The following NAALADL2 variants were observed in gnomAD, a reference collection of about 807,000 sequenced individuals.
NAALADL2 encodes the protein N-acetylated alpha-linked acidic dipeptidase like 2, also known as inactive N-acetylated-alpha-linked acidic dipeptidase-like protein 2.
A neutral mutation model predicts 87.2 loss-of-function variants in NAALADL2; 76 were observed. The observed-to-expected ratio is 0.87, with a 90% CI of 0.72 to 1.05. The LOEUF is 1.05. Ranked by LOEUF, NAALADL2 falls within the 50% of genes least tolerant of loss-of-function variation. The pLI is 0.00. For synonymous variants in NAALADL2, 354 were observed against 331.0 expected, an observed-to-expected ratio of 1.07 and a Z score of -0.75; for missense variants, 1,089 against 945.8, an observed-to-expected ratio of 1.15 and a Z score of -1.99.
intron 13 of NAALADL2, among the ~76,000 whole-genome samples, chr3:175,770,661 A>G (rs1057467702): frequency 6.6e-6 from 1 of 152,112 alleles, no homozygotes; most frequent in African/African-American, 2.4e-5. Context: ...AGTGCCTCCA[A>G]TTTTTTTATT....
rs1386706853 is a variant in NAALADL2, at chr3:175,058,955, A to G, written c.44-37835A>G. ...ACCTACTAGTCTTGACTGAAAAAGA[A>G]TATGATGAATCTTTGTATAATCCTC... On this transcript the variant is annotated intron_variant, in intron 1 of 13. Coordinates refer to ENST00000454872, the MANE Select transcript of NAALADL2 (RefSeq NM_207015.3). 2.0e-5 allele frequency among the ~76,000 whole-genome samples: 3 copies of G among 152,216 alleles called. No homozygotes were observed. In the South Asian group the frequency reaches 6.2e-4, roughly 32 times the overall value.
intron 5 of NAALADL2, among the ~76,000 whole-genome samples, chr3:175,346,410 C>T (rs752367233): frequency 1.3e-5 from 2 of 152,076 alleles, no homozygotes; most frequent in Non-Finnish European, 2.9e-5. Context: ...ATATGCTGTG[C>T]CCATCTTCCT....
chr3:175,561,055 A>G (rs781507186), intron 9 of NAALADL2, among the ~76,000 whole-genome samples: 3 of 152,208 alleles, frequency 2.0e-5, no homozygotes, highest in Admixed American at 6.5e-5. Flanking sequence ...AAAGGTGGAA[A>G]ACTGTCTAAG....
chr3:174,611,957 AT>A (rs1055180318), intron 2 of NAALADL2, among the ~76,000 whole-genome samples: 1 of 147,720 alleles, frequency 6.8e-6, no homozygotes, highest in Non-Finnish European at 1.5e-5. Context: ...TCCCTTTAGC[AT>A]TTTTTTGTAG....
chr3:175,115,717 T>C (rs1220439251), intron 2 of NAALADL2, among the ~76,000 whole-genome samples: 1 of 151,662 alleles, frequency 6.6e-6, no homozygotes, highest in East Asian at 1.9e-4. Context: ...GGATATTTCC[T>C]TATTTTGCTT....
intron 5 of NAALADL2, among the ~76,000 whole-genome samples, chr3:175,362,045 T>C (rs1435744478): frequency 6.7e-6 from 1 of 148,306 alleles, no homozygotes; most frequent in Non-Finnish European, 1.5e-5. Flanking sequence ...AATTTTTGTA[T>C]AAGGTGTAAG....
chr3:175,700,969 G>A (rs1032696738), intron 11 of NAALADL2, among the ~76,000 whole-genome samples: 4 of 151,966 alleles, frequency 2.6e-5, no homozygotes, highest in Non-Finnish European at 4.4e-5. Flanking sequence ...GTAATGAAAT[G>A]GTACTATGGA....
intron 2 of NAALADL2, among the ~76,000 whole-genome samples, chr3:175,162,627 C>G (rs1456204929): frequency 6.6e-6 from 1 of 152,068 alleles, no homozygotes; most frequent in East Asian, 1.9e-4. Context: ...TTTGCAAACT[C>G]TCTAAATGAT....
chr3:174,909,280 G>GCTGTAATCTCAGC (rs1733378665), intron 1 of NAALADL2, among the ~76,000 whole-genome samples: 1 of 151,990 alleles, frequency 6.6e-6, no homozygotes, highest in Non-Finnish European at 1.5e-5. Flanking sequence ...TGTAATCCCA[G>GCTGTAATCTCAGC]CTACTTGGAA....
intron 2 of NAALADL2, among the ~76,000 whole-genome samples, chr3:174,706,004 T>C (rs1351397803): frequency 6.6e-6 from 1 of 152,196 alleles, no homozygotes; most frequent in African/African-American, 2.4e-5. Flanking sequence ...TCTCCACTTT[T>C]ATAATTTCTC....
chr3:174,468,895 T>G (rs1716711553), intron 1 of NAALADL2, among the ~76,000 whole-genome samples: 1 of 151,424 alleles, frequency 6.6e-6, no homozygotes, highest in Non-Finnish European at 1.5e-5. Context: ...TCCGAGTAGC[T>G]GGGATTACAG....
At chr3:174,916,704 G>T (rs1392163762) in intron 1 of NAALADL2, among the ~76,000 whole-genome samples, 1 of 151,850 alleles carries the variant, frequency 6.6e-6, no homozygotes, top group East Asian at 1.9e-4. Context: ...TGGACTTTGG[G>T]GACTTGATGA....
chr3:175,396,397 T>C (rs192280984), intron 5 of NAALADL2, among the ~76,000 whole-genome samples: 1 of 152,174 alleles, frequency 6.6e-6, no homozygotes, highest in Non-Finnish European at 1.5e-5. Flanking sequence ...ATAAGTAATG[T>C]TGAATACATT....
rs752418417 is a variant in NAALADL2 at position 175,324,258 on chromosome 3, C to T, written c.1023C>T (p.Ser341=). 1.2e-6 allele frequency: 2 copies of T among 1,613,624 alleles called. No homozygotes were observed. The highest frequency in any genetic ancestry group is 2.2e-5 in the East Asian group (1 of 44,842). The change falls in exon 5 of 14, where the codon AGC becomes AGT. Residue 341 remains serine, a synonymous_variant. Transcript: ENST00000454872. ...ATTTGCCAAAGACTGTGAATCCTAG[C>T]CATGATACCTTCATGGTGTCACTGA... ...PCDLPKTVNP[S]HDTFMVSLNP...
intron 3 of NAALADL2, among the ~76,000 whole-genome samples, chr3:174,797,735 G>C (rs1435524496): frequency 2.0e-5 from 3 of 151,962 alleles, no homozygotes; most frequent in African/African-American, 7.3e-5. Context: ...CCAGCCTCCA[G>C]AAATGAGAGA....
At chr3:175,787,241 C>T (rs893778408) in intron 13 of NAALADL2, among the ~76,000 whole-genome samples, 11 of 152,282 alleles carry the variant, frequency 7.2e-5, no homozygotes, top group African/African-American at 2.4e-4. Flanking sequence ...GGGCTCCACC[C>T]AGTTCGAGCT....
At chr3:174,660,949 C>G (rs957742779) in intron 2 of NAALADL2, among the ~76,000 whole-genome samples, 2 of 151,920 alleles carry the variant, frequency 1.3e-5, no homozygotes, top group Non-Finnish European at 2.9e-5. Flanking sequence ...TGAGAACTGC[C>G]AAGAAAATCC....
At chr3:175,405,984 C>A (rs1418127683) in intron 5 of NAALADL2, among the ~76,000 whole-genome samples, 1 of 152,018 alleles carries the variant, frequency 6.6e-6, no homozygotes, top group African/African-American at 2.4e-5. Context: ...GCTAGAAGTG[C>A]GGGGAACATA....
At chr3:175,084,080 C>G (rs929106013) in intron 1 of NAALADL2, among the ~76,000 whole-genome samples, 8 of 152,276 alleles carry the variant, frequency 5.3e-5, no homozygotes, top group South Asian at 2.1e-4. Context: ...GGAAAGGAAT[C>G]TGCAATTTTA....
Sources: allele counts gnomAD v4.1 joint callset (sites outside exome capture counted in the v4.1 genomes callset), GRCh38; gene constraint gnomAD v4.1.1; transcripts MANE v1.5; gene names NCBI Gene and HGNC (gene_info 2026-07-23, HGNC 2026-07-21).